Variants in ERBIN observed in about 807,000 individuals in gnomAD.
ERBIN encodes the protein erbb2 interacting protein.
A neutral mutation model predicts 158.4 loss-of-function variants in ERBIN; 60 were observed. The ratio of observed to expected loss-of-function variants is 0.38; its 90% CI spans 0.31 to 0.47. The LOEUF (loss-of-function observed/expected upper bound fraction) is 0.47. Ranked by LOEUF, ERBIN falls within the 20% of genes least tolerant of loss-of-function variation. The probability of loss-of-function intolerance (pLI) is 0.99; values close to 1 mark genes in which losing one functional copy is unlikely to be tolerated. For missense variants in ERBIN, 1,610 were observed against 1,648.0 expected (o/e 0.98, Z 0.40); for synonymous variants, 594 against 557.2 (o/e 1.07, Z -0.93).
At chr5:66,041,714 G>A (rs764596720) in intron 15 of ERBIN, among the ~76,000 whole-genome samples, 1 of 151,946 alleles carries the variant, frequency 6.6e-6, no homozygotes, top group Non-Finnish European at 1.5e-5. Flanking sequence ...GGGCCAAGCT[G>A]GTGATTGAAA....
At chr5:66,039,089 T>C (rs1757690831) in intron 15 of ERBIN, among the ~76,000 whole-genome samples, 1 of 151,828 alleles carries the variant, frequency 6.6e-6, no homozygotes, top group Non-Finnish European at 1.5e-5. Context: ...TGTATCTTCT[T>C]TCTGACACCA....
At position 66,012,083 on chromosome 5, in the gene ERBIN, T is replaced by C; in HGVS notation, c.342T>C (p.Cys114=). ...IQEFPENIKN[C]KVLTIVEASV... is the part of the protein sequence containing the mutation. ...AGTTTCCAGAAAATATAAAAAATTG[T>C]AAAGTTTTGACAATTGTGGAGGCCA... The change falls in exon 5 of 26, where the codon TGT becomes TGC. Residue 114 remains cysteine, a synonymous_variant. Transcript: ENST00000284037. 6.2e-7 allele frequency: 1 copy of C among 1,606,864 alleles called. No individual in the cohort carries two copies. The highest frequency in any genetic ancestry group is 8.5e-7 in the Non-Finnish European group (1 of 1,176,106).
intron 15 of ERBIN, among the ~76,000 whole-genome samples, chr5:66,040,739 A>C (rs1264390624): frequency 6.6e-6 from 1 of 151,858 alleles, no homozygotes; most frequent in East Asian, 1.9e-4. Context: ...GGCACTGTTC[A>C]CACTTAATTA....
At chr5:66,039,316 T>C (rs1390915314) in intron 15 of ERBIN, among the ~76,000 whole-genome samples, 1 of 151,890 alleles carries the variant, frequency 6.6e-6, no homozygotes, top group Non-Finnish European at 1.5e-5. Context: ...TACAAAACAC[T>C]CTGGAACCAA....
At chr5:65,974,376 G>A (rs574559513) in intron 1 of ERBIN, among the ~76,000 whole-genome samples, 4 of 152,214 alleles carry the variant, frequency 2.6e-5, no homozygotes, top group Non-Finnish European at 1.5e-5. Context: ...AGCAAGCATA[G>A]GTTGGTAGTG....
At chr5:66,057,043 T>G (rs1487616702) in intron 21 of ERBIN, among the ~76,000 whole-genome samples, 1 of 152,228 alleles carries the variant, frequency 6.6e-6, no homozygotes, top group Non-Finnish European at 1.5e-5. Flanking sequence ...TACGTGAAAC[T>G]TTTATCTTAA....
At chr5:65,980,704 G>A (rs1183117848) in intron 1 of ERBIN, among the ~76,000 whole-genome samples, 2 of 151,130 alleles carry the variant, frequency 1.3e-5, no homozygotes, top group East Asian at 1.9e-4. Flanking sequence ...AATACTAAAA[G>A]ACAAGGATTA....
chr5:65,933,887 CT>C, intron 1 of ERBIN, among the ~76,000 whole-genome samples: 1 of 152,136 alleles, frequency 6.6e-6, no homozygotes, highest in East Asian at 1.9e-4. Context: ...ACATGATGCC[CT>C]GTCGTCATCC....
chr5:66,003,923 C>CTTTTTTTT (rs35063438), intron 4 of ERBIN, among the ~76,000 whole-genome samples: 1 of 62,642 alleles, frequency 1.6e-5, no homozygotes, highest in African/African-American at 6.2e-5. Context: ...GAGCAGCAGT[C>CTTTTTTTT]TTTTTTTTTT....
At chr5:65,970,535 A>G (rs986465373) in intron 1 of ERBIN, among the ~76,000 whole-genome samples, 8 of 152,092 alleles carry the variant, frequency 5.3e-5, no homozygotes, top group Admixed American at 4.6e-4. Flanking sequence ...GTCCTATTTG[A>G]CTGTTTTCCC....
chr5:66,076,340 C>G lies in ERBIN; in HGVS notation c.3988C>G (p.Pro1330Ala). Reference sequence around the variant, plus strand: ...GATTCGAGTGAGGGTTGAAAAGGATCCAGAACTTGGATTTAGCATATCAGG... The same window carrying G: ...GATTCGAGTGAGGGTTGAAAAGGATGCAGAACTTGGATTTAGCATATCAGG... ...QEIRVRVEKD[P>A]ELGFSISGGV... is the part of the protein sequence containing the mutation. The change falls in exon 24 of 26, where the codon CCA becomes GCA. Residue 1330 changes from proline to alanine, a missense_variant. By Grantham distance (27) the Pro-to-Ala change is conservative (BLOSUM62 -1). Coordinates refer to ENST00000284037, the MANE Select transcript of ERBIN (RefSeq NM_001253697.2). 6.2e-7 allele frequency: 1 copy of G among 1,613,418 alleles called. No individual in the cohort carries two copies. Among genetic ancestry groups the G allele is most frequent in the Non-Finnish European group, 8.5e-7 (1 of 1,179,758 alleles).
At position 66,046,509 on chromosome 5, in the gene ERBIN, C is replaced by T. The variant is rs765336254; in HGVS notation, c.1759C>T (p.His587Tyr). The T allele has an allele frequency of 1.3e-6, 2 of 1,598,202 alleles. No homozygotes were observed. The highest frequency in any genetic ancestry group is 2.3e-5 in the South Asian group (2 of 87,928). The part of the protein sequence containing the change: ...ANMKASENLK[H>Y]IVNHDDVFEE... ...TATGAAAGCCTCTGAGAACTTGAAG[C>T]ATATTGTTAACCATGATGATGTTTT... The change falls in exon 18 of 26, where the codon CAT becomes TAT. Residue 587 changes from histidine (H) to tyrosine (Y), a missense_variant. This residue lies in a region of ERBIN where 596 missense variants were observed against 711.9 expected (regional missense o/e 0.84). Coordinates refer to ENST00000284037, the MANE Select transcript of ERBIN (RefSeq NM_001253697.2).
chr5:66,072,205 C>T lies in ERBIN; in HGVS notation c.3670C>T (p.Gln1224Ter), dbSNP rs773812816. The T allele has an allele frequency of 1.3e-6, 2 of 1,550,302 alleles. No homozygotes were observed. Among genetic ancestry groups the T allele is most frequent in the Non-Finnish European group, 1.7e-6 (2 of 1,146,840 alleles). ...GACATCCAGTTCAGGAGATCCTTGT[C>T]AAGATGGTATATTCATTTCAGGACA... ...PQTSSSGDPC[Q>*]DGIFISGQQN... is the part of the protein sequence containing the mutation. Residue 1224 changes from glutamine to a stop codon, truncating the protein, a stop_gained, in exon 22 of 26, where the codon CAA becomes TAA. Transcript: ENST00000284037. LOFTEE classifies it high-confidence loss of function.
intron 14 of ERBIN, among the ~76,000 whole-genome samples, chr5:66,030,524 G>A (rs972144075): frequency 6.6e-6 from 1 of 150,930 alleles, no homozygotes; most frequent in Non-Finnish European, 1.5e-5. Flanking sequence ...TCCTGGTCTC[G>A]AGGAACTCTT....
rs954699155 is a variant in ERBIN, at chr5:66,004,697, C to T, written c.308-7352C>T. ...GTATTACATGCGTGAGCCACTGCAC[C>T]CTGCCCCTGTGTACTTTATCTGTAA... On this transcript the variant is annotated intron_variant, in intron 4 of 25. Transcript: ENST00000284037. Among the ~76,000 whole-genome samples, 9 of 152,254 alleles carry T rather than the reference C, an allele frequency of 5.9e-5. No homozygotes were observed. The South Asian group carries it at 1.7e-3, about 28-fold the overall frequency.
chr5:66,076,715 G>A, intron 24 of ERBIN, 160 bp from the exon 25 acceptor site: 1 of 624,584 alleles, frequency 1.6e-6, no homozygotes, highest in Non-Finnish European at 2.8e-6. Flanking sequence ...ATTACTAGAG[G>A]TAAAAATAAC....
At chr5:66,015,429 A>G (rs1043244697) in intron 7 of ERBIN, among the ~76,000 whole-genome samples, 4 of 152,078 alleles carry the variant, frequency 2.6e-5, no homozygotes, top group Non-Finnish European at 4.4e-5. Context: ...TCATGTACAT[A>G]TTGTCTGTGG....
At chr5:65,977,656 G>C (rs944582967) in intron 1 of ERBIN, among the ~76,000 whole-genome samples, 2 of 149,364 alleles carry the variant, frequency 1.3e-5, no homozygotes, top group African/African-American at 5.0e-5. Flanking sequence ...GGGCAGAGAC[G>C]CTCCTCACTT....
Position 66,078,590 on chromosome 5 carries a change from G to A in ERBIN, c.*60G>A, listed in dbSNP as rs1283920243. The A allele has an allele frequency of 6.2e-6, 6 of 972,166 alleles. No homozygotes were observed. The highest frequency in any genetic ancestry group is 9.7e-6 in the Non-Finnish European group (6 of 618,486). 60.2% of individuals were successfully genotyped at this position (972,166 alleles called of 1,614,324 possible). On this transcript the variant is annotated 3_prime_UTR_variant, in exon 26 of 26. Transcript: ENST00000284037. ...GATTTATTGGAAGATACTTACAGGG[G>A]AAATTAATATTTTGACTATTTTTAT...
Sources: gnomAD v4.1 joint callset for allele counts (sites outside exome capture counted in the v4.1 genomes callset) on GRCh38, gnomAD v4.1.1 for gene constraint, gnomAD v4.1.1 regional missense constraint, MANE v1.5 for transcripts, NCBI Gene and HGNC (gene_info 2026-07-23, HGNC 2026-07-21) for gene names.